Variants in FAM184B observed in about 807,000 individuals in gnomAD.
FAM184B encodes the protein protein FAM184B.
FAM184B carries 111 observed loss-of-function variants against 135.9 expected under a neutral mutation model. That is an observed-to-expected ratio of 0.82 (90% confidence interval 0.70 to 0.96). FAM184B has a LOEUF of 0.96. Among genes scored for constraint, FAM184B ranks in the 40% least tolerant of loss-of-function variants. FAM184B has a pLI of 0.00. For missense variants in FAM184B, 1,375 were observed against 1,323.9 expected (o/e 1.04, Z -0.60); for synonymous variants, 552 against 524.8 (o/e 1.05, Z -0.71).
chr4:17,687,828 G>A (rs1400345293), intron 7 of FAM184B, among the ~76,000 whole-genome samples: 1 of 152,190 alleles, frequency 6.6e-6, no homozygotes, highest in Non-Finnish European at 1.5e-5. Context: ...CCAACACCTT[G>A]ATTTCAGACC....
At position 17,642,054 on chromosome 4, in the gene FAM184B, A is replaced by C. The variant is rs1325219585; in HGVS notation, c.2519+2T>G. 6.5e-7 allele frequency: 1 copy of C among 1,528,372 alleles called. No homozygotes were observed. Among genetic ancestry groups the C allele is most frequent in the Admixed American group, 2.0e-5 (1 of 50,642 alleles). The allele number at this position is 1,528,372 out of a possible 1,614,324, so 94.7% of individuals were successfully genotyped here. A position where few individuals can be genotyped will look rare whatever the true frequency, so the allele number is the denominator to read the frequency against. On this transcript the variant is annotated splice_donor_variant, in intron 13 of 17. Transcript: ENST00000265018. LOFTEE classifies it high-confidence loss of function. Reference sequence around the variant, plus strand: ...GGTGGCGGGGCGCGCCGGGTCACCCACCTGCGCTGGTCTCGGAGCTTCTGC... The same window carrying C: ...GGTGGCGGGGCGCGCCGGGTCACCCCCCTGCGCTGGTCTCGGAGCTTCTGC...
intron 1 of FAM184B, among the ~76,000 whole-genome samples, chr4:17,763,107 GTTCT>G (rs1461676561): frequency 1.3e-5 from 2 of 152,122 alleles, no homozygotes; most frequent in African/African-American, 4.8e-5. Flanking sequence ...TTCAGTGCTA[GTTCT>G]TTCTTTGCCT....
intron 3 of FAM184B, among the ~76,000 whole-genome samples, chr4:17,707,164 TG>T (rs1717138716): frequency 6.6e-6 from 1 of 152,162 alleles, no homozygotes; most frequent in South Asian, 2.1e-4. Context: ...CTCAAAGTCC[TG>T]GGCTGAAGTA....
intron 1 of FAM184B, among the ~76,000 whole-genome samples, chr4:17,780,744 T>C (rs1438017906): frequency 6.6e-6 from 1 of 152,020 alleles, no homozygotes; most frequent in Non-Finnish European, 1.5e-5. Context: ...ACGCAAATAT[T>C]TGTTGAATGA....
chr4:17,698,735 A>G (rs1052292406), intron 5 of FAM184B, among the ~76,000 whole-genome samples: 2 of 152,176 alleles, frequency 1.3e-5, no homozygotes, highest in African/African-American at 4.8e-5. Context: ...ATAAATCTGG[A>G]AAATTGAAAA....
chr4:17,711,586 C>G (rs1321175025), intron 1 of FAM184B, among the ~76,000 whole-genome samples: 1 of 152,044 alleles, frequency 6.6e-6, no homozygotes, highest in Non-Finnish European at 1.5e-5. Flanking sequence ...TCACTTGGGC[C>G]AGGGAGATTG....
chr4:17,658,569 A>G lies in FAM184B; in HGVS notation c.1825-7T>C. 1 of 1,549,724 alleles carries G rather than the reference A, an allele frequency of 6.5e-7. No homozygotes were observed. Among genetic ancestry groups the G allele is most frequent in the Non-Finnish European group, 8.7e-7 (1 of 1,146,516 alleles). ...CCTGCTGCATCTGTGAGACCTGCGCACAAGGCATCCTGCCCTCAGTCTAAG... is the reference window on the plus strand; with the variant it reads ...CCTGCTGCATCTGTGAGACCTGCGCGCAAGGCATCCTGCCCTCAGTCTAAG... On this transcript the variant is annotated splice_polypyrimidine_tract_variant and splice_region_variant and intron_variant, in intron 9 of 17. Transcript: ENST00000265018.
intron 1 of FAM184B, among the ~76,000 whole-genome samples, chr4:17,767,276 G>A (rs926900354): frequency 1.1e-4 from 17 of 152,320 alleles, no homozygotes; most frequent in Admixed American, 4.6e-4. Context: ...TGGGCTGAAG[G>A]GCTCCTCAAG....
rs537560376 is a variant in FAM184B, at chr4:17,730,457, T to C, written c.142-20813A>G. ...TTGAGAAGAGCAACTCCAAGACACA[T>C]AATTGTCAGATTCACCAAAGTTGAA... On this transcript the variant is annotated intron_variant, in intron 1 of 17. Coordinates refer to ENST00000265018, the MANE Select transcript of FAM184B (RefSeq NM_015688.2). Among the ~76,000 whole-genome samples the C allele has an allele frequency of 8.9e-3, 1,360 of 152,044 alleles. 20 individuals carry two copies. Among genetic ancestry groups the C allele is most frequent in the African/African-American group, 0.031 (1,302 of 41,434 alleles).
chr4:17,708,766 G>A, intron 2 of FAM184B, 126 bp downstream of exon 2: 2 of 716,420 alleles, frequency 2.8e-6, no homozygotes, highest in Non-Finnish European at 4.1e-6. Flanking sequence ...TGAATTCAAT[G>A]GAGATAATAG....
At chr4:17,764,223 A>G (rs1718606794) in intron 1 of FAM184B, among the ~76,000 whole-genome samples, 1 of 152,170 alleles carries the variant, frequency 6.6e-6, no homozygotes, top group Admixed American at 6.5e-5. Flanking sequence ...TCTTCCTTTT[A>G]CTGCCTGGAA....
chr4:17,738,950 A>G (rs1717966075), intron 1 of FAM184B, among the ~76,000 whole-genome samples: 2 of 152,216 alleles, frequency 1.3e-5, no homozygotes, highest in Non-Finnish European at 2.9e-5. Context: ...CACCATGAGT[A>G]GAAGCAGCCT....
chr4:17,762,567 C>T (rs151109952), intron 1 of FAM184B, among the ~76,000 whole-genome samples: 8 of 152,316 alleles, frequency 5.3e-5, no homozygotes, highest in Admixed American at 3.3e-4. Context: ...CACTTAAGGC[C>T]TCTGCCTGTG....
chr4:17,639,806 CACTGCAGTGGAAA>C (rs1715255052), intron 13 of FAM184B, among the ~76,000 whole-genome samples: 1 of 151,732 alleles, frequency 6.6e-6, no homozygotes, highest in Non-Finnish European at 1.5e-5. Context: ...CTAACAACTA[CACTGCAGTGGAAA>C]GCCTCCCTGA....
At chr4:17,762,840 G>C (rs1052302126) in intron 1 of FAM184B, among the ~76,000 whole-genome samples, 1 of 152,136 alleles carries the variant, frequency 6.6e-6, no homozygotes, top group Admixed American at 6.5e-5. Context: ...CCTTTCTGTA[G>C]AGCTGGGTCT....
intron 7 of FAM184B, among the ~76,000 whole-genome samples, chr4:17,665,617 G>C (rs1192524196): frequency 6.6e-6 from 1 of 152,196 alleles, no homozygotes; most frequent in African/African-American, 2.4e-5. Context: ...CAGGGATCCT[G>C]GGAGGTGTCT....
Position 17,755,696 on chromosome 4 carries a change from G to A in FAM184B, c.141+25463C>T, listed in dbSNP as rs886590631. 3.0e-4 allele frequency among the ~76,000 whole-genome samples: 45 copies of A among 152,256 alleles called. 1 individual carries two copies. The highest frequency in any genetic ancestry group is 1.1e-3 in the African/African-American group (44 of 41,546). On this transcript the variant is annotated intron_variant, in intron 1 of 17. Coordinates refer to ENST00000265018, the MANE Select transcript of FAM184B (RefSeq NM_015688.2). Reference sequence around the variant, plus strand: ...ATGATAGATTGGATAAAGAAAATGTGGTACATATACACCACAAAATACTAT... The same window carrying A: ...ATGATAGATTGGATAAAGAAAATGTAGTACATATACACCACAAAATACTAT...
At chr4:17,659,271 A>AT (rs927465986) in intron 9 of FAM184B, among the ~76,000 whole-genome samples, 18 of 150,918 alleles carry the variant, frequency 1.2e-4, no homozygotes, top group African/African-American at 4.4e-4. Context: ...ATGCCCGGTA[A>AT]TTTTTTTTTA....
chr4:17,636,437 G>C, intron 15 of FAM184B, 91 bp downstream of exon 15: 2 of 970,948 alleles, frequency 2.1e-6, no homozygotes, highest in Admixed American at 4.1e-5. Context: ...AGGGCACCTA[G>C]AGAAATGCTG....
Sources: allele counts gnomAD v4.1 joint callset (sites outside exome capture counted in the v4.1 genomes callset), GRCh38; gene constraint gnomAD v4.1.1; transcripts MANE v1.5; gene names NCBI Gene and HGNC (gene_info 2026-07-23, HGNC 2026-07-21).